The following RBM6 variants were observed in gnomAD, a reference collection of about 807,000 sequenced individuals.
RBM6 encodes the protein RNA binding motif protein 6, also known as RNA-binding protein 6.
RBM6 carries 23 observed loss-of-function variants against 140.4 expected under a neutral mutation model. The observed-to-expected ratio is 0.16, with a 90% CI of 0.12 to 0.23. The LOEUF (loss-of-function observed/expected upper bound fraction) is 0.23, where lower values mean the gene tolerates loss of function less well. Among genes scored for constraint, RBM6 ranks in the 10% least tolerant of loss-of-function variants. The pLI is 1.00. For missense variants in RBM6, 1,139 were observed against 1,386.7 expected (o/e 0.82, Z 2.84); for synonymous variants, 439 against 475.6 (o/e 0.92, Z 1.00).
At chr3:49,950,804 C>T (rs540801662) in intron 1 of RBM6, among the ~76,000 whole-genome samples, 19 of 151,114 alleles carry the variant, frequency 1.3e-4, no homozygotes, top group Admixed American at 3.3e-4. Context: ...ATAGAATTAC[C>T]ATGTGATCTA....
At chr3:49,978,286 C>T (rs2085151325) in intron 5 of RBM6, among the ~76,000 whole-genome samples, 1 of 152,054 alleles carries the variant, frequency 6.6e-6, no homozygotes, top group East Asian at 1.9e-4. Flanking sequence ...CAGATGTGAA[C>T]CAGTATGCAC....
chr3:50,004,682 C>T (rs2086497438), intron 6 of RBM6, among the ~76,000 whole-genome samples: 2 of 151,858 alleles, frequency 1.3e-5, no homozygotes, highest in Admixed American at 6.6e-5. Flanking sequence ...TACAGTGGTA[C>T]GATGAGAGCT....
At position 50,029,561 on chromosome 3, in the gene RBM6, C is replaced by T. The variant is rs112310467; in HGVS notation, c.1558-18684C>T. The stretch of plus-strand genomic sequence containing the variant: ...CAGCCTAGCCAATATGGCGAAACCC[C>T]GTCTCTACTAAAAATACAAAAATTA... On this transcript the variant is annotated intron_variant, in intron 6 of 20. Coordinates refer to ENST00000266022, the MANE Select transcript of RBM6 (RefSeq NM_005777.3). 7.3e-3 allele frequency among the ~76,000 whole-genome samples: 1,117 copies of T among 152,038 alleles called. 16 individuals are homozygous for T. The highest frequency in any genetic ancestry group is 0.025 in the African/African-American group (1,055 of 41,470).
chr3:49,954,772 T>G (rs1387205558), intron 1 of RBM6, among the ~76,000 whole-genome samples: 3 of 152,042 alleles, frequency 2.0e-5, no homozygotes, highest in Non-Finnish European at 4.4e-5. Context: ...CTTTTTTTTT[T>G]TTTTGAAATG....
chr3:49,964,778 G>T (rs1009602214), intron 2 of RBM6, among the ~76,000 whole-genome samples: 2 of 152,108 alleles, frequency 1.3e-5, no homozygotes, highest in Admixed American at 6.5e-5. Flanking sequence ...ACGTGGTTTA[G>T]GTAAGCATTC....
chr3:50,047,597 A>G (rs1264611371), intron 6 of RBM6, among the ~76,000 whole-genome samples: 6 of 152,094 alleles, frequency 3.9e-5, no homozygotes, highest in African/African-American at 1.2e-4. Flanking sequence ...AGCTCACTCT[A>G]TAGGCTCCAA....
chr3:49,976,899 G>A (rs979174593), intron 5 of RBM6, among the ~76,000 whole-genome samples: 2 of 152,098 alleles, frequency 1.3e-5, no homozygotes, highest in African/African-American at 2.4e-5. Flanking sequence ...AAAATAAAAC[G>A]AAAAATACCT....
At position 49,983,629 on chromosome 3, in the gene RBM6, C is replaced by T. The variant is rs983791242; in HGVS notation, c.1483+8237C>T. Among the ~76,000 whole-genome samples the T allele has an allele frequency of 7.2e-5, 11 of 152,160 alleles. No homozygotes were observed. In the East Asian group the frequency reaches 1.3e-3, roughly 19 times the overall value. ...TTTTAGTTTCTTAGGGAAAAGATGACGATAGGCTGATTGAAAAATATCATT... is the reference window on the plus strand; with the variant it reads ...TTTTAGTTTCTTAGGGAAAAGATGATGATAGGCTGATTGAAAAATATCATT... On this transcript the variant is annotated intron_variant, in intron 5 of 20. Transcript: ENST00000266022.
Position 50,044,569 on chromosome 3 carries a change from G to A in RBM6, c.1558-3676G>A, listed in dbSNP as rs189832130. Among the ~76,000 whole-genome samples, 1,054 of 150,468 alleles carry A rather than the reference G, an allele frequency of 7.0e-3. 15 individuals are homozygous for A. Among genetic ancestry groups the A allele is most frequent in the African/African-American group, 0.025 (1,004 of 40,938 alleles). On this transcript the variant is annotated intron_variant, in intron 6 of 20. Coordinates refer to ENST00000266022, the MANE Select transcript of RBM6 (RefSeq NM_005777.3). ...CTGCACTCCAGCCTGGCGACAGAGC[G>A]AGACTCCGTCTCAAAAAAAAAAAAA... is the stretch of plus-strand genomic sequence containing the variant.
intron 5 of RBM6, among the ~76,000 whole-genome samples, chr3:49,979,301 G>C (rs2108664922): frequency 6.6e-6 from 1 of 152,250 alleles, no homozygotes; most frequent in East Asian, 1.9e-4. Context: ...AATGGTTATG[G>C]TACTTCTTTT....
chr3:50,038,531 A>G (rs2088678117), intron 6 of RBM6, among the ~76,000 whole-genome samples: 1 of 152,134 alleles, frequency 6.6e-6, no homozygotes, highest in African/African-American at 2.4e-5. Context: ...TAAAAGTGTT[A>G]TAGAAATGAT....
chr3:50,068,854 A>C (rs1046808873), intron 18 of RBM6, 90 bp downstream of exon 18: 2 of 1,150,506 alleles, frequency 1.7e-6, no homozygotes, highest in Non-Finnish European at 2.5e-6. Context: ...CCTCCTTATA[A>C]GAAGATGGAG....
At chr3:49,965,401 G>A (rs975910122) in intron 2 of RBM6, among the ~76,000 whole-genome samples, 7 of 152,198 alleles carry the variant, frequency 4.6e-5, no homozygotes, top group African/African-American at 1.7e-4. Flanking sequence ...CGGGCGTGGC[G>A]GCTCACGCCT....
intron 5 of RBM6, among the ~76,000 whole-genome samples, chr3:49,997,799 T>C (rs953236240): frequency 6.6e-6 from 1 of 152,228 alleles, no homozygotes; most frequent in Non-Finnish European, 1.5e-5. Flanking sequence ...AGGTGTTCAA[T>C]GAGTTTGATC....
intron 6 of RBM6, among the ~76,000 whole-genome samples, chr3:50,030,286 T>A (rs1343253056): frequency 2.4e-4 from 25 of 103,856 alleles, no homozygotes; most frequent in East Asian, 2.4e-3. Flanking sequence ...CTTTTTGTCT[T>A]AAAAAAAAAA....
At chr3:50,010,144 C>T (rs1353883671) in intron 6 of RBM6, among the ~76,000 whole-genome samples, 1 of 152,156 alleles carries the variant, frequency 6.6e-6, no homozygotes, top group African/African-American at 2.4e-5. Context: ...GTCTCGGCCT[C>T]CCAAAGTGCT....
chr3:50,066,259 A>T lies in RBM6; in HGVS notation c.2700A>T (p.Pro900=). The change falls in exon 17 of 21, where the codon CCA becomes CCT. Residue 900 remains proline, a synonymous_variant. Transcript: ENST00000266022. The part of the protein sequence containing the change: ...ESPPPPKVVN[P]LIGLLGEYGG... The stretch of plus-strand genomic sequence containing the variant: ...CCTTCCAGCCTAAAGTGGTAAACCC[A>T]CTGATCGGCCTCTTGGGTGAATATG... The T allele has an allele frequency of 3.1e-6, 5 of 1,613,952 alleles. No homozygotes were observed. The highest frequency in any genetic ancestry group is 3.4e-6 in the Non-Finnish European group (4 of 1,179,936).
intron 1 of RBM6, among the ~76,000 whole-genome samples, chr3:49,945,223 G>C (rs1305608950): frequency 1.3e-5 from 2 of 149,300 alleles, no homozygotes; most frequent in Non-Finnish European, 3.0e-5. Flanking sequence ...TGTTGTCCAG[G>C]CTGGAGTGCA....
At chr3:49,963,913 T>C (rs1458616961) in intron 2 of RBM6, among the ~76,000 whole-genome samples, 1 of 151,990 alleles carries the variant, frequency 6.6e-6, no homozygotes, top group African/African-American at 2.4e-5. Context: ...TTTTTTACCT[T>C]TTTTCAAAAT....
Sources: allele counts gnomAD v4.1 joint callset (sites outside exome capture counted in the v4.1 genomes callset), GRCh38; gene constraint gnomAD v4.1.1; transcripts MANE v1.5; gene names NCBI Gene and HGNC (gene_info 2026-07-23, HGNC 2026-07-21).